SMIM14: variants seen among roughly 807,000 people sequenced by gnomAD.
The protein encoded by SMIM14 is small integral membrane protein 14, also known as chromosome 4 open reading frame 34.
Under a neutral mutation model 12.6 loss-of-function variants are expected in SMIM14, and 5 were observed. That is an observed-to-expected ratio of 0.40 (90% CI 0.21 to 0.83). The LOEUF (loss-of-function observed/expected upper bound fraction) is 0.83. SMIM14 is among the 40% of genes least tolerant of loss of function. The pLI is 0.37. For missense variants in SMIM14, 86 were observed against 119.1 expected, an observed-to-expected ratio of 0.72 and a Z score of 1.29; for synonymous variants, 30 against 40.1, an observed-to-expected ratio of 0.75 and a Z score of 0.95.
chr4:39,633,213 G>C (rs1044556270), intron 1 of SMIM14, among the ~76,000 whole-genome samples: 3 of 151,852 alleles, frequency 2.0e-5, no homozygotes, highest in African/African-American at 4.8e-5. Flanking sequence ...AGAATTGCTT[G>C]AACCCGGGAG....
chr4:39,563,236 A>G (rs1712406684), intron 3 of SMIM14, among the ~76,000 whole-genome samples: 2 of 151,544 alleles, frequency 1.3e-5, no homozygotes, highest in South Asian at 4.2e-4. Flanking sequence ...AATTTTTTGT[A>G]TTTTTAGTAG....
chr4:39,583,100 T>C (rs116371541), intron 2 of SMIM14, among the ~76,000 whole-genome samples: 2,006 of 152,190 alleles, frequency 0.013, 27 homozygotes, highest in Middle Eastern at 0.034. Flanking sequence ...CCGTTTTGTT[T>C]TTTTAAGAGA....
intron 1 of SMIM14, among the ~76,000 whole-genome samples, chr4:39,622,271 A>G (rs1715528325): frequency 6.6e-6 from 1 of 151,394 alleles, no homozygotes; most frequent in Non-Finnish European, 1.5e-5. Flanking sequence ...TTTAGTAGAG[A>G]CGGGGTTTCA....
chr4:39,615,081 T>C (rs1449200520), intron 1 of SMIM14, among the ~76,000 whole-genome samples: 1 of 151,978 alleles, frequency 6.6e-6, no homozygotes, highest in African/African-American at 2.4e-5. Flanking sequence ...AAATAGCCGA[T>C]AGAGTCTCTA....
intron 3 of SMIM14, among the ~76,000 whole-genome samples, chr4:39,559,418 AAG>A (rs1277851732): frequency 2.6e-5 from 4 of 152,064 alleles, no homozygotes; most frequent in Admixed American, 6.6e-5. Flanking sequence ...GGAAAAGAAA[AAG>A]AAATAAAAAT....
At chr4:39,622,768 CTT>C (rs892009484) in intron 1 of SMIM14, among the ~76,000 whole-genome samples, 12 of 152,312 alleles carry the variant, frequency 7.9e-5, no homozygotes, top group African/African-American at 2.4e-4. Context: ...AAACATAAAA[CTT>C]TAACATCTGT....
At position 39,581,973 on chromosome 4, in the gene SMIM14, G is replaced by GT. The variant is rs1713530966; in HGVS notation, c.76-9511dup. 2.0e-5 allele frequency among the ~76,000 whole-genome samples: 3 copies of GT among 151,782 alleles called. No individual in the cohort carries two copies. In the South Asian group the frequency reaches 6.2e-4, roughly 32 times the overall value. Reference sequence around the variant, plus strand: ...TGCAACCTCCGCCTCCTGGATTCAAGTGATTCTCCTGCCTCAGCCTCCCAA... The same window carrying GT: ...TGCAACCTCCGCCTCCTGGATTCAAGTTGATTCTCCTGCCTCAGCCTCCCAA... On this transcript the variant is annotated intron_variant, in intron 2 of 4. Transcript: ENST00000295958.
chr4:39,604,760 G>A (rs1440052855), intron 2 of SMIM14, among the ~76,000 whole-genome samples: 1 of 149,968 alleles, frequency 6.7e-6, no homozygotes, highest in Non-Finnish European at 1.5e-5. Flanking sequence ...AAAAGTGTGT[G>A]CCACCACGCC....
At chr4:39,636,852 T>C (rs1404846993) in intron 1 of SMIM14, among the ~76,000 whole-genome samples, 1 of 152,324 alleles carries the variant, frequency 6.6e-6, no homozygotes, top group East Asian at 1.9e-4. Flanking sequence ...AGAACAGTTA[T>C]AACAATATAC....
intron 1 of SMIM14, among the ~76,000 whole-genome samples, chr4:39,625,193 G>A (rs373875847): frequency 1.3e-5 from 2 of 149,518 alleles, no homozygotes; most frequent in South Asian, 2.1e-4. Context: ...ACTCCAGTCT[G>A]GGCAACAGGG....
At chr4:39,567,129 C>T (rs1712614560) in intron 3 of SMIM14, among the ~76,000 whole-genome samples, 1 of 112,532 alleles carries the variant, frequency 8.9e-6, no homozygotes, top group Admixed American at 9.8e-5. Context: ...GAGCAAAACT[C>T]CATCTCAAAA....
chr4:39,572,518 T>C lies in SMIM14; in HGVS notation c.76-55A>G, dbSNP rs150782171. On this transcript the variant is annotated intron_variant, in intron 2 of 4. Transcript: ENST00000295958. ...ATTAGACTTAAACAAAAGTGGACCA[T>C]AATTATTAGAAAGATCATGTTTTGG... 4.2e-6 allele frequency: 6 copies of C among 1,433,560 alleles called. No homozygotes were observed. The Admixed American group carries it at 8.7e-5, about 21-fold the overall frequency. The allele number at this position is 1,433,560 out of a possible 1,614,324, so 88.8% of individuals were successfully genotyped here. A position where few individuals can be genotyped will look rare whatever the true frequency, so the allele number is the denominator to read the frequency against.
At chr4:39,578,415 G>A (rs956708118) in intron 2 of SMIM14, among the ~76,000 whole-genome samples, 4 of 152,278 alleles carry the variant, frequency 2.6e-5, no homozygotes, top group Admixed American at 2.0e-4. Flanking sequence ...TGGTACCACT[G>A]ATGTTGATTT....
intron 2 of SMIM14, among the ~76,000 whole-genome samples, chr4:39,599,518 G>C (rs137972715): frequency 1.3e-5 from 2 of 152,290 alleles, no homozygotes; most frequent in Non-Finnish European, 2.9e-5. Flanking sequence ...CCAGGCAAGA[G>C]ATGATGGTAG....
intron 2 of SMIM14, among the ~76,000 whole-genome samples, chr4:39,599,998 T>C (rs1161085839): frequency 6.6e-6 from 1 of 150,846 alleles, no homozygotes; most frequent in African/African-American, 2.4e-5. Flanking sequence ...TACCTGAACA[T>C]TCAGAATAAG....
At chr4:39,598,277 TTTAA>T (rs72521311) in intron 2 of SMIM14, among the ~76,000 whole-genome samples, 20,231 of 152,182 alleles carry the variant, frequency 0.13, 1,857 homozygotes, top group South Asian at 0.31. Flanking sequence ...GTGTGGTAGT[TTTAA>T]TTGTTTTAGT....
At chr4:39,554,499 T>G (rs935844717) in intron 4 of SMIM14, among the ~76,000 whole-genome samples, 2 of 151,862 alleles carry the variant, frequency 1.3e-5, no homozygotes, top group African/African-American at 4.8e-5. Context: ...TCCCAGCTAC[T>G]CGGTAGGTGG....
chr4:39,592,399 TTA>T (rs1020571486), intron 2 of SMIM14, among the ~76,000 whole-genome samples: 1 of 151,914 alleles, frequency 6.6e-6, no homozygotes, highest in Non-Finnish European at 1.5e-5. Flanking sequence ...CCAGCCAGAT[TTA>T]TAGTCTTTGT....
At chr4:39,613,205 GAATA>G (rs1715099174) in intron 1 of SMIM14, among the ~76,000 whole-genome samples, 1 of 152,090 alleles carries the variant, frequency 6.6e-6, no homozygotes, top group South Asian at 2.1e-4. Context: ...AGCACTCATA[GAATA>G]AATATTTACT....
Sources: allele counts gnomAD v4.1 joint callset (sites outside exome capture counted in the v4.1 genomes callset), GRCh38; gene constraint gnomAD v4.1.1; transcripts MANE v1.5; gene names NCBI Gene and HGNC (gene_info 2026-07-23, HGNC 2026-07-21).